Variants in GDAP1 observed in about 807,000 individuals in gnomAD.
GDAP1 encodes the protein ganglioside induced differentiation associated protein 1, also known as ganglioside-induced differentiation-associated protein 1.
GDAP1 carries 34 observed loss-of-function variants against 40.1 expected under a neutral mutation model. That is an observed-to-expected ratio of 0.85 (90% CI 0.64 to 1.13). The LOEUF (loss-of-function observed/expected upper bound fraction) is 1.13. Ranked by LOEUF, GDAP1 falls within the 50% of genes most tolerant of loss-of-function variation. The pLI is 0.00. For missense variants in GDAP1, 374 were observed against 433.7 expected, an observed-to-expected ratio of 0.86 and a Z score of 1.22; for synonymous variants, 170 against 157.4, an observed-to-expected ratio of 1.08 and a Z score of -0.60.
intron 4 of GDAP1, among the ~76,000 whole-genome samples, chr8:74,362,664 C>T (rs1307477920): frequency 6.6e-6 from 1 of 152,094 alleles, no homozygotes; most frequent in African/African-American, 2.4e-5. Context: ...CTTCGTGTCC[C>T]TCCCATTCTT....
At chr8:74,383,470 T>C (rs1217984964) in intron 2 of GDAP1, among the ~76,000 whole-genome samples, 1 of 152,220 alleles carries the variant, frequency 6.6e-6, no homozygotes, top group Non-Finnish European at 1.5e-5. Flanking sequence ...GGCTGCATTT[T>C]GAGTAGTAGA....
chr8:74,430,543 G>A (rs1806012168), intron 2 of GDAP1, among the ~76,000 whole-genome samples: 1 of 152,108 alleles, frequency 6.6e-6, no homozygotes, highest in South Asian at 2.1e-4. Context: ...TTATTTACTG[G>A]AGAAAGGTAG....
intron 2 of GDAP1, among the ~76,000 whole-genome samples, chr8:74,354,030 G>A (rs1412637405): frequency 1.4e-4 from 21 of 152,018 alleles, no homozygotes; most frequent in Non-Finnish European, 1.5e-5. Context: ...GAACATTTGC[G>A]ATTACGTTAC....
At chr8:74,392,046 C>T (rs912651014) in intron 2 of GDAP1, among the ~76,000 whole-genome samples, 10 of 152,042 alleles carry the variant, frequency 6.6e-5, no homozygotes, top group South Asian at 2.1e-4. Context: ...CTCGAACTCC[C>T]GACCTCAGGT....
intron 2 of GDAP1, among the ~76,000 whole-genome samples, chr8:74,455,419 C>T (rs957471674): frequency 6.6e-6 from 1 of 151,778 alleles, no homozygotes; most frequent in African/African-American, 2.4e-5. Flanking sequence ...ATTATTTGTG[C>T]CATCAATGGT....
chr8:74,383,862 A>T (rs1809989313), intron 2 of GDAP1, among the ~76,000 whole-genome samples: 1 of 152,076 alleles, frequency 6.6e-6, no homozygotes, highest in South Asian at 2.1e-4. Flanking sequence ...TACACTCACA[A>T]ATATAACAGA....
At chr8:74,437,095 T>C (rs564969195) in intron 2 of GDAP1, among the ~76,000 whole-genome samples, 1 of 152,310 alleles carries the variant, frequency 6.6e-6, no homozygotes, top group East Asian at 1.9e-4. Context: ...CTGAACAGTG[T>C]AAGAAGTCAT....
In GDAP1 at chr8:74,361,875, T is replaced by C. The variant is rs1809380554; in HGVS notation, c.485-9T>C. ...TAATTTTCTGTTTCCAAAATGTTTT[T>C]ATTATCAGGCCAAATTGGAAACACA... is the stretch of plus-strand genomic sequence containing the variant. On this transcript the variant is annotated splice_polypyrimidine_tract_variant and intron_variant, in intron 3 of 5. Transcript: ENST00000220822. 6.6e-7 allele frequency: 1 copy of C among 1,520,364 alleles called. No homozygotes were observed. The highest frequency in any genetic ancestry group is 9.1e-7 in the Non-Finnish European group (1 of 1,093,476). The allele number at this position is 1,520,364 out of a possible 1,614,324, so 94.2% of individuals were successfully genotyped here.
At chr8:74,394,606 T>A (rs943200433) in intron 2 of GDAP1, among the ~76,000 whole-genome samples, 2 of 152,212 alleles carry the variant, frequency 1.3e-5, no homozygotes, top group African/African-American at 4.8e-5. Flanking sequence ...GTTAGTCATT[T>A]TTTTTAAAGC....
intron 2 of GDAP1, among the ~76,000 whole-genome samples, chr8:74,438,977 G>A (rs1179357453): frequency 6.6e-6 from 1 of 151,698 alleles, no homozygotes; most frequent in Non-Finnish European, 1.5e-5. Flanking sequence ...CTTTAAACAT[G>A]TGGCTTGTTT....
At chr8:74,475,271 G>T (rs1393874357) in intron 2 of GDAP1, among the ~76,000 whole-genome samples, 1 of 150,870 alleles carries the variant, frequency 6.6e-6, no homozygotes, top group Non-Finnish European at 1.5e-5. Context: ...ATTTTTTTGT[G>T]TCTCAGTGTC....
intron 2 of GDAP1, among the ~76,000 whole-genome samples, chr8:74,426,452 A>G (rs1805948789): frequency 2.6e-5 from 4 of 152,240 alleles, no homozygotes; most frequent in African/African-American, 9.6e-5. Flanking sequence ...CCGGGATACA[A>G]CATTGCATTT....
chr8:74,448,221 T>C (rs950625194), intron 2 of GDAP1, among the ~76,000 whole-genome samples: 27 of 150,106 alleles, frequency 1.8e-4, no homozygotes, highest in African/African-American at 6.6e-4. Context: ...GTTTTTCATG[T>C]TTATGAATTT....
chr8:74,421,303 A>G (rs1310369917), intron 2 of GDAP1, among the ~76,000 whole-genome samples: 2 of 152,134 alleles, frequency 1.3e-5, no homozygotes, highest in South Asian at 2.1e-4. Context: ...AAGTAACAAA[A>G]CATTTCTTTT....
intron 2 of GDAP1, among the ~76,000 whole-genome samples, chr8:74,425,800 G>A (rs1805940537): frequency 6.6e-6 from 1 of 152,154 alleles, no homozygotes. Flanking sequence ...AAGCCTGTAG[G>A]TAGAATGTTT....
At chr8:74,474,526 C>G (rs886579183) in intron 2 of GDAP1, among the ~76,000 whole-genome samples, 4 of 152,024 alleles carry the variant, frequency 2.6e-5, no homozygotes, top group Non-Finnish European at 5.9e-5. Flanking sequence ...TTATTGAAAG[C>G]CTTTTCTGCA....
chr8:74,439,761 ACT>A (rs1285662735), intron 2 of GDAP1, among the ~76,000 whole-genome samples: 2 of 151,282 alleles, frequency 1.3e-5, no homozygotes, highest in Non-Finnish European at 2.9e-5. Context: ...TTCCATTATC[ACT>A]CTCTTTAAAC....
At chr8:74,392,730 T>A (rs1445742418) in intron 2 of GDAP1, among the ~76,000 whole-genome samples, 1 of 152,198 alleles carries the variant, frequency 6.6e-6, no homozygotes. Flanking sequence ...GAGAGCAGAG[T>A]GATTTATGCC....
rs34856543 is a variant in GDAP1, at chr8:74,365,855, CA to C, written c.*1489del. On this transcript the variant is annotated 3_prime_UTR_variant, in exon 6 of 6. Coordinates refer to ENST00000220822, the MANE Select transcript of GDAP1 (RefSeq NM_018972.4). ...AATAATTGAGTAGCAGCTTTTATAA[CA>C]TTTAAAATTTGCACATGAGTGTGTT... The C allele has an allele frequency of 0.017, 7,929 of 454,310 alleles. 513 individuals are homozygous for C. The highest frequency in any genetic ancestry group is 0.14 in the African/African-American group (7,006 of 50,068). 28.1% of individuals were successfully genotyped at this position (454,310 alleles called of 1,614,324 possible).
Sources: allele counts gnomAD v4.1 joint callset (sites outside exome capture counted in the v4.1 genomes callset), GRCh38; gene constraint gnomAD v4.1.1; transcripts MANE v1.5; gene names NCBI Gene and HGNC (gene_info 2026-07-23, HGNC 2026-07-21).